The following SLC17A1 variants were observed in gnomAD, a reference collection of about 807,000 sequenced individuals.
SLC17A1 encodes sodium-dependent phosphate transport protein 1.
SLC17A1 carries 51 observed loss-of-function variants against 53.5 expected under a neutral mutation model. The observed-to-expected ratio is 0.95, with a 90% CI of 0.76 to 1.20. The LOEUF (loss-of-function observed/expected upper bound fraction) is 1.20, where lower values mean the gene tolerates loss of function less well. SLC17A1 is among the 50% of genes most tolerant of loss of function. The pLI is 0.00. For synonymous variants in SLC17A1, 179 were observed against 198.8 expected (o/e 0.90, Z 0.84); for missense variants, 538 against 568.2 (o/e 0.95, Z 0.54).
At position 25,811,710 on chromosome 6, in the gene SLC17A1, G is replaced by T; in HGVS notation, c.958C>A (p.Gln320Lys). 1 of 1,613,818 alleles carries T rather than the reference G, an allele frequency of 6.2e-7. No individual in the cohort carries two copies. The highest frequency in any genetic ancestry group is 1.1e-5 in the South Asian group (1 of 91,062). Residue 320 changes from glutamine to lysine, a missense_variant, in exon 9 of 13, where the codon CAG (glutamine) becomes AAG (lysine). Transcript: ENST00000244527. Reference sequence around the variant, plus strand: ...CTGGTCAGGAAGAAGTCTGATAACTGACCTGCTAGGTTACCACAGATCCAG... The same window carrying T: ...CTGGTCAGGAAGAAGTCTGATAACTTACCTGCTAGGTTACCACAGATCCAG... ...FAWICGNLAG[Q>K]LSDFFLTRNI...
chr6:25,818,044 G>A (rs995179553), intron 6 of SLC17A1, among the ~76,000 whole-genome samples: 10 of 152,130 alleles, frequency 6.6e-5, no homozygotes, highest in Non-Finnish European at 1.3e-4. Flanking sequence ...CCCCCTAGAT[G>A]TACTCCTCAT....
At position 25,812,812 on chromosome 6, in the gene SLC17A1, GAACA is replaced by G. The variant is rs749409940; in HGVS notation, c.897+15_897+18del. Reference sequence around the variant, plus strand: ...GAGTCTTTCGTGAAGTTAAAAAAAAGAACAAATAGTATACTTACCTCTTTTATAT... The same window carrying G: ...GAGTCTTTCGTGAAGTTAAAAAAAAGAATAGTATACTTACCTCTTTTATAT... On this transcript the variant is annotated intron_variant, in intron 8 of 12. Coordinates refer to ENST00000244527, the MANE Select transcript of SLC17A1 (RefSeq NM_005074.5). 22 of 1,566,792 alleles carry G rather than the reference GAACA, an allele frequency of 1.4e-5. No individual in the cohort carries two copies. Among genetic ancestry groups the G allele is most frequent in the Non-Finnish European group, 1.8e-5 (21 of 1,148,886 alleles).
intron 2 of SLC17A1, among the ~76,000 whole-genome samples, chr6:25,829,977 A>T (rs1394534658): frequency 6.6e-6 from 1 of 152,222 alleles, no homozygotes; most frequent in Non-Finnish European, 1.5e-5. Context: ...AATTTAATAT[A>T]CAGTAACTTT....
At chr6:25,750,330 T>C in the SLC17A1 span, among the ~76,000 whole-genome samples, 4 of 152,232 alleles carry the variant, frequency 2.6e-5, no homozygotes, top group Non-Finnish European at 4.4e-5. Context: ...TGATTTACTA[T>C]TGACTATATT....
intron 11 of SLC17A1, 105 bp downstream of exon 11, chr6:25,800,785 A>G (rs1399617760): frequency 1.4e-6 from 1 of 709,118 alleles, no homozygotes; most frequent in African/African-American, 1.8e-5. Flanking sequence ...GCAAAAACTC[A>G]TAAGTCATCT....
chr6:25,743,723 A>G, the SLC17A1 span, among the ~76,000 whole-genome samples: 1 of 152,256 alleles, frequency 6.6e-6, no homozygotes, highest in Non-Finnish European at 1.5e-5. Context: ...GTTACTGAGC[A>G]TGCACATATG....
At chr6:25,726,438 C>G in the SLC17A1 span, 25,864 of 1,613,994 alleles carry the variant, frequency 0.016, 295 homozygotes, top group Middle Eastern at 0.026. Context: ...GACGATGGAT[C>G]CGGCCTACGG....
the SLC17A1 span, among the ~76,000 whole-genome samples, chr6:25,745,302 G>A: frequency 1.3e-5 from 2 of 152,084 alleles, no homozygotes; most frequent in Non-Finnish European, 2.9e-5. Context: ...ACTTGCAAGT[G>A]GTACCATGGA....
the SLC17A1 span, among the ~76,000 whole-genome samples, chr6:25,742,428 G>A: frequency 6.6e-6 from 1 of 151,784 alleles, no homozygotes; most frequent in Non-Finnish European, 1.5e-5. Context: ...GAGAGGTCAA[G>A]GAGGGAGGAT....
chr6:25,781,488 C>T (rs1339678922), downstream of SLC17A1, among the ~76,000 whole-genome samples: 2 of 149,608 alleles, frequency 1.3e-5, no homozygotes, highest in Non-Finnish European at 1.5e-5. Flanking sequence ...GTGTCTTTGT[C>T]GCTTTTGTGT....
At chr6:25,805,731 T>C (rs1006922252) in intron 10 of SLC17A1, among the ~76,000 whole-genome samples, 2 of 152,054 alleles carry the variant, frequency 1.3e-5, no homozygotes, top group African/African-American at 4.8e-5. Flanking sequence ...TAGAGACTAC[T>C]ATGAACACCT....
At chr6:25,785,250 GA>G (rs1291931410) in intron 12 of SLC17A1, among the ~76,000 whole-genome samples, 7 of 152,024 alleles carry the variant, frequency 4.6e-5, no homozygotes, top group African/African-American at 1.7e-4. Flanking sequence ...AGAAATTAAA[GA>G]AGCTGTCTTA....
downstream of SLC17A1, among the ~76,000 whole-genome samples, chr6:25,781,830 T>C (rs997322893): frequency 6.6e-6 from 1 of 152,064 alleles, no homozygotes; most frequent in Non-Finnish European, 1.5e-5. Context: ...GGACCCAACA[T>C]TGGGATCAAA....
intron 10 of SLC17A1, among the ~76,000 whole-genome samples, chr6:25,807,923 A>G (rs1359475969): frequency 1.3e-5 from 2 of 152,094 alleles, no homozygotes; most frequent in Non-Finnish European, 2.9e-5. Flanking sequence ...TGCTGCTATA[A>G]ACATGCATGT....
chr6:25,765,226 G>A, the SLC17A1 span, among the ~76,000 whole-genome samples: 1 of 152,250 alleles, frequency 6.6e-6, no homozygotes, highest in Non-Finnish European at 1.5e-5. Context: ...GTACACTTAT[G>A]AAAGATAACA....
chr6:25,769,246 A>T, the SLC17A1 span: 2 of 1,477,824 alleles, frequency 1.4e-6, no homozygotes, highest in East Asian at 2.3e-5. Context: ...TGACTTAAAG[A>T]GTTATAAAAG....
the SLC17A1 span, among the ~76,000 whole-genome samples, chr6:25,769,528 G>A: frequency 4.0e-5 from 6 of 151,246 alleles, no homozygotes; most frequent in Admixed American, 1.3e-4. Context: ...ACTGCACTCC[G>A]GTCTGGGTGA....
At chr6:25,822,742 C>T (rs1764608426) in intron 3 of SLC17A1, among the ~76,000 whole-genome samples, 1 of 151,930 alleles carries the variant, frequency 6.6e-6, no homozygotes, top group Non-Finnish European at 1.5e-5. Flanking sequence ...AACCAAAGCA[C>T]TGGAATATCA....
chr6:25,734,396 A>G, the SLC17A1 span, among the ~76,000 whole-genome samples: 3 of 152,162 alleles, frequency 2.0e-5, no homozygotes, highest in Admixed American at 2.0e-4. Context: ...ATGAATGGGG[A>G]AAAAAATGAG....
Sources: allele counts gnomAD v4.1 joint callset (sites outside exome capture counted in the v4.1 genomes callset), GRCh38; gene constraint gnomAD v4.1.1; transcripts MANE v1.5; gene names NCBI Gene and HGNC (gene_info 2026-07-23, HGNC 2026-07-21).